FGF7: variants seen among roughly 807,000 people sequenced by gnomAD.
FGF7 encodes the protein FGF-7.
FGF7 carries 6 observed loss-of-function variants against 20.5 expected under a neutral mutation model. The ratio of observed to expected loss-of-function variants is 0.29; its 90% CI spans 0.16 to 0.58. The LOEUF is 0.58. Among genes scored for constraint, FGF7 ranks in the 20% least tolerant of loss-of-function variants. The pLI is 0.90. For missense variants in FGF7, 144 were observed against 228.8 expected (o/e 0.63, Z 2.39); for synonymous variants, 64 against 74.7 (o/e 0.86, Z 0.74).
chr15:49,437,259 C>A (rs955286808), intron 2 of FGF7, among the ~76,000 whole-genome samples: 3 of 151,460 alleles, frequency 2.0e-5, no homozygotes, highest in Non-Finnish European at 4.4e-5. Context: ...TAATTTCCTT[C>A]CCTAAAGCCA....
In FGF7 at chr15:49,484,726, C is replaced by T. The variant is rs1737163147; in HGVS notation, c.*222C>T. The T allele has an allele frequency of 2.7e-6, 1 of 366,792 alleles. No individual in the cohort carries two copies. The highest frequency in any genetic ancestry group is 4.8e-6 in the Non-Finnish European group (1 of 206,330). The allele number at this position is 366,792 out of a possible 1,614,324, so 22.7% of individuals were successfully genotyped here. On this transcript the variant is annotated 3_prime_UTR_variant, in exon 4 of 4. Transcript: ENST00000267843. Reference sequence around the variant, plus strand: ...TATACACAAAAATCAGATTTAGTAACTAAAGGTTGTAAAAAATTGTAAAAC... The same window carrying T: ...TATACACAAAAATCAGATTTAGTAATTAAAGGTTGTAAAAAATTGTAAAAC...
intron 2 of FGF7, among the ~76,000 whole-genome samples, chr15:49,461,177 A>T (rs748052972): frequency 1.3e-5 from 2 of 152,162 alleles, no homozygotes; most frequent in African/African-American, 2.4e-5. Context: ...CTAGTGACAG[A>T]TCTTTTCTCT....
rs548979337 is a variant in FGF7, at chr15:49,467,874, T to C, written c.287-15277T>C. 1.1e-3 allele frequency among the ~76,000 whole-genome samples: 164 copies of C among 152,234 alleles called. 1 individual carries two copies. Among genetic ancestry groups the C allele is most frequent in the African/African-American group, 3.9e-3 (161 of 41,550 alleles). On this transcript the variant is annotated intron_variant, in intron 2 of 3. Transcript: ENST00000267843. ...AATGATAAGGAAAACGATCAGTAAA[T>C]TGGTATAGAAATATAAGTCTGTGCA...
At chr15:49,464,578 T>G (rs1015631535) in intron 2 of FGF7, among the ~76,000 whole-genome samples, 1 of 152,208 alleles carries the variant, frequency 6.6e-6, no homozygotes, top group Non-Finnish European at 1.5e-5. Context: ...TGTATTGAAT[T>G]TTGTAATAAA....
chr15:49,458,749 G>A (rs1390290595), intron 2 of FGF7, among the ~76,000 whole-genome samples: 2 of 152,000 alleles, frequency 1.3e-5, no homozygotes, highest in African/African-American at 2.4e-5. Flanking sequence ...GGATATTTCT[G>A]AAGTTCCTAA....
intron 2 of FGF7, among the ~76,000 whole-genome samples, chr15:49,454,842 C>T (rs762084050): frequency 1.3e-5 from 2 of 152,120 alleles, no homozygotes; most frequent in African/African-American, 4.8e-5. Context: ...ATCTCCTGAC[C>T]TCGTGATCCG....
chr15:49,483,633 A>T (rs1436324895), intron 3 of FGF7, among the ~76,000 whole-genome samples: 2 of 152,038 alleles, frequency 1.3e-5, no homozygotes, highest in Non-Finnish European at 2.9e-5. Context: ...TTGGGAAAAA[A>T]TCTTGAAATG....
rs113344552 is a variant in FGF7 at position 49,431,625 on chromosome 15, A to T, written c.286+7042A>T. Reference sequence around the variant, plus strand: ...AGAAGAAAGTAATCTCTTCTACTGGAGTGGTCATGAGTACTTGATAGAGTC... The same window carrying T: ...AGAAGAAAGTAATCTCTTCTACTGGTGTGGTCATGAGTACTTGATAGAGTC... On this transcript the variant is annotated intron_variant, in intron 2 of 3. Transcript: ENST00000267843. Among the ~76,000 whole-genome samples, 564 of 151,864 alleles carry T rather than the reference A, an allele frequency of 3.7e-3. 3 individuals are homozygous for T. Among genetic ancestry groups the T allele is most frequent in the African/African-American group, 0.013 (535 of 41,496 alleles).
intron 2 of FGF7, among the ~76,000 whole-genome samples, chr15:49,449,706 T>A (rs1031937477): frequency 2.0e-4 from 30 of 152,086 alleles, no homozygotes; most frequent in Admixed American, 1.3e-4. Flanking sequence ...AAGTTAGGTC[T>A]CTTTCGCTTC....
rs150426122 is a variant in FGF7, at chr15:49,429,658, G to A, written c.286+5075G>A. On this transcript the variant is annotated intron_variant, in intron 2 of 3. Coordinates refer to ENST00000267843, the MANE Select transcript of FGF7 (RefSeq NM_002009.4). ...TTGTCTAAATATTACAATCAGCTGG[G>A]GAACTTTAAAAAAATACTGATGCCA... Among the ~76,000 whole-genome samples the A allele has an allele frequency of 5.6e-3, 848 of 151,750 alleles. 6 individuals are homozygous for A. Among genetic ancestry groups the A allele is most frequent in the African/African-American group, 0.019 (806 of 41,418 alleles).
chr15:49,466,460 G>A (rs2054276387), intron 2 of FGF7, among the ~76,000 whole-genome samples: 1 of 152,188 alleles, frequency 6.6e-6, no homozygotes, highest in Non-Finnish European at 1.5e-5. Context: ...AGAAAATTAT[G>A]TAGGCTGGAG....
intron 2 of FGF7, among the ~76,000 whole-genome samples, chr15:49,432,868 A>G (rs2050740033): frequency 1.3e-5 from 2 of 151,656 alleles, no homozygotes. Context: ...ACAAGAAATG[A>G]TGCCCAACAG....
intron 2 of FGF7, among the ~76,000 whole-genome samples, chr15:49,469,033 A>G (rs1385252391): frequency 6.6e-6 from 1 of 152,220 alleles, no homozygotes; most frequent in Non-Finnish European, 1.5e-5. Flanking sequence ...ATGTATATGT[A>G]TATATCTTAC....
chr15:49,431,729 G>GA (rs1319222875), intron 2 of FGF7, among the ~76,000 whole-genome samples: 1 of 151,594 alleles, frequency 6.6e-6, no homozygotes, highest in Non-Finnish European at 1.5e-5. Context: ...AAGAGAAAAG[G>GA]AAAAAGACTT....
At chr15:49,432,327 G>A (rs2050689060) in intron 2 of FGF7, among the ~76,000 whole-genome samples, 2 of 151,542 alleles carry the variant, frequency 1.3e-5, no homozygotes, top group African/African-American at 4.8e-5. Flanking sequence ...GCTGTTTCCT[G>A]TAGCACAGCT....
At chr15:49,480,336 A>T (rs922543258) in intron 2 of FGF7, among the ~76,000 whole-genome samples, 6 of 152,022 alleles carry the variant, frequency 3.9e-5, no homozygotes, top group African/African-American at 1.5e-4. Context: ...TTTGAGACAG[A>T]GCCTCACTCC....
In FGF7 at chr15:49,426,375, C is replaced by T. The variant is rs540062079; in HGVS notation, c.286+1792C>T. Among the ~76,000 whole-genome samples, 4 of 151,970 alleles carry T rather than the reference C, an allele frequency of 2.6e-5. No homozygotes were observed. In the East Asian group the frequency reaches 5.8e-4, roughly 22 times the overall value. On this transcript the variant is annotated intron_variant, in intron 2 of 3. Coordinates refer to ENST00000267843, the MANE Select transcript of FGF7 (RefSeq NM_002009.4). ...TGTCAGAACTAATTTCAAATTATAG[C>T]AATAAGGTTACCAAACCTTAACTGT... is the stretch of plus-strand genomic sequence containing the variant.
intron 2 of FGF7, among the ~76,000 whole-genome samples, chr15:49,444,017 A>G (rs2051937832): frequency 6.6e-6 from 1 of 151,716 alleles, no homozygotes; most frequent in South Asian, 2.1e-4. Context: ...GTAAATAAAC[A>G]CATCAGAATA....
chr15:49,455,983 GCTTT>G (rs1181969634), intron 2 of FGF7, among the ~76,000 whole-genome samples: 1 of 152,024 alleles, frequency 6.6e-6, no homozygotes, highest in Non-Finnish European at 1.5e-5. Context: ...CTCTAGAAGA[GCTTT>G]CTATTGACAT....
Sources: allele counts gnomAD v4.1 joint callset (sites outside exome capture counted in the v4.1 genomes callset), GRCh38; gene constraint gnomAD v4.1.1; transcripts MANE v1.5; gene names NCBI Gene and HGNC (gene_info 2026-07-23, HGNC 2026-07-21).